TTLL11: variants seen among roughly 807,000 people sequenced by gnomAD.
The protein encoded by TTLL11 is tubulin polyglutamylase TTLL11.
In TTLL11, 42 loss-of-function variants were observed where a neutral mutation model predicts 51.7. The observed-to-expected ratio is 0.81, with a 90% CI of 0.64 to 1.05. TTLL11 has a LOEUF of 1.05. TTLL11 is among the 50% of genes least tolerant of loss of function. TTLL11 has a pLI of 0.00. For missense variants in TTLL11, 799 were observed against 940.4 expected (o/e 0.85, Z 1.97); for synonymous variants, 381 against 383.5 (o/e 0.99, Z 0.08).
At chr9:122,016,642 T>C (rs1330842415) in intron 3 of TTLL11, among the ~76,000 whole-genome samples, 1 of 152,120 alleles carries the variant, frequency 6.6e-6, no homozygotes, top group African/African-American at 2.4e-5. Flanking sequence ...CATTCAGCCT[T>C]GAGGAGCTGA....
At chr9:121,997,043 G>A (rs1235732352) in intron 3 of TTLL11, among the ~76,000 whole-genome samples, 9 of 152,022 alleles carry the variant, frequency 5.9e-5, no homozygotes, top group African/African-American at 2.2e-4. Flanking sequence ...TGGTGCTTCT[G>A]CTCAGAAAAC....
chr9:122,037,805 T>C (rs1321795005), intron 2 of TTLL11, among the ~76,000 whole-genome samples: 1 of 152,210 alleles, frequency 6.6e-6, no homozygotes, highest in Non-Finnish European at 1.5e-5. Context: ...CCGTGTTTCC[T>C]GCCCTGTATC....
intron 6 of TTLL11, among the ~76,000 whole-genome samples, chr9:121,965,501 A>G (rs540712352): frequency 1.3e-5 from 2 of 152,138 alleles, no homozygotes; most frequent in Admixed American, 1.3e-4. Flanking sequence ...CCATGATCCA[A>G]TCCCCTCCCA....
chr9:122,042,198 A>G (rs1418022568), intron 1 of TTLL11, among the ~76,000 whole-genome samples: 1 of 152,200 alleles, frequency 6.6e-6, no homozygotes, highest in East Asian at 1.9e-4. Flanking sequence ...TATTTTTAGT[A>G]GAGGCTGGGT....
intron 6 of TTLL11, among the ~76,000 whole-genome samples, chr9:121,958,853 T>A (rs1246173065): frequency 2.0e-5 from 3 of 152,102 alleles, no homozygotes; most frequent in Non-Finnish European, 4.4e-5. Context: ...GGGGCTGTAA[T>A]GACAATGAGC....
intron 8 of TTLL11, among the ~76,000 whole-genome samples, chr9:121,850,209 T>C (rs183006704): frequency 3.3e-5 from 5 of 152,260 alleles, no homozygotes; most frequent in Admixed American, 3.3e-4. Context: ...CAGAGATAGA[T>C]ATAGATATTC....
intron 8 of TTLL11, among the ~76,000 whole-genome samples, chr9:121,837,312 A>AGTAGTAT (rs11267360): frequency 0.65 from 98,847 of 151,308 alleles, 33,054 homozygotes; most frequent in African/African-American, 0.8. Context: ...TTATGGGTCA[A>AGTAGTAT]GTATTATTTT....
Position 121,853,835 on chromosome 9 carries a change from G to A in TTLL11, c.1840+6502C>T, listed in dbSNP as rs889877506. On this transcript the variant is annotated intron_variant, in intron 8 of 8. Coordinates refer to ENST00000321582, the MANE Select transcript of TTLL11 (RefSeq NM_001139442.2). The surrounding 1 kb of genome is among the most constrained non-coding windows in gnomAD (Gnocchi z 5.6). ...CACGTCCTGACCCTCTCATCTGGCTGTGAGGCAGGCCCTTCTTCCCATCTC... is the reference window on the plus strand; with the variant it reads ...CACGTCCTGACCCTCTCATCTGGCTATGAGGCAGGCCCTTCTTCCCATCTC... Among the ~76,000 whole-genome samples the A allele has an allele frequency of 6.6e-6, 1 of 152,228 alleles. No individual in the cohort carries two copies. Among genetic ancestry groups the A allele is most frequent in the African/African-American group, 2.4e-5 (1 of 41,462 alleles).
intron 1 of TTLL11, among the ~76,000 whole-genome samples, chr9:122,055,207 A>AGATG (rs1216288251): frequency 1.0e-4 from 15 of 147,472 alleles, no homozygotes; most frequent in African/African-American, 3.8e-4. Flanking sequence ...CTAATAGGAT[A>AGATG]GATAGATAGA....
chr9:122,001,240 C>T (rs1300460139), intron 3 of TTLL11, among the ~76,000 whole-genome samples: 3 of 152,184 alleles, frequency 2.0e-5, no homozygotes, highest in African/African-American at 7.2e-5. Flanking sequence ...GGATTACAGG[C>T]GTGCACCAAC....
intron 6 of TTLL11, among the ~76,000 whole-genome samples, chr9:121,921,465 C>T (rs1485789139): frequency 6.6e-6 from 1 of 152,134 alleles, no homozygotes; most frequent in Non-Finnish European, 1.5e-5. Context: ...AAAAACTCGC[C>T]ACAGGATTCC....
At chr9:122,009,662 AGAAT>A (rs1396527838) in intron 3 of TTLL11, among the ~76,000 whole-genome samples, 3 of 151,672 alleles carry the variant, frequency 2.0e-5, no homozygotes, top group Non-Finnish European at 4.4e-5. Flanking sequence ...TGTCCAGAGA[AGAAT>A]GAATGTTGTA....
chr9:121,938,288 C>CAAGAAA (rs1554771747), intron 6 of TTLL11, among the ~76,000 whole-genome samples: 1 of 133,674 alleles, frequency 7.5e-6, no homozygotes, highest in African/African-American at 2.9e-5. Context: ...GACGCTGTCT[C>CAAGAAA]AAAAAGAAAA....
intron 6 of TTLL11, among the ~76,000 whole-genome samples, chr9:121,958,953 T>C (rs4144646): frequency 0.082 from 11,737 of 143,890 alleles, 682 homozygotes; most frequent in African/African-American, 0.17. Context: ...AATCACTCCT[T>C]CTGCCAGGCA....
chr9:121,919,380 C>T (rs1840443636), intron 6 of TTLL11, among the ~76,000 whole-genome samples: 1 of 151,808 alleles, frequency 6.6e-6, no homozygotes, highest in Admixed American at 6.6e-5. Context: ...GATAGGTAGA[C>T]ATAGATAAAA....
chr9:122,040,313 T>C (rs199502796), intron 1 of TTLL11: 5 of 982,968 alleles, frequency 5.1e-6, no homozygotes, highest in Non-Finnish European at 6.0e-6. Flanking sequence ...TTTGGTCTTC[T>C]AAAATCTTGT....
intron 3 of TTLL11, among the ~76,000 whole-genome samples, chr9:122,022,039 G>T (rs7036016): frequency 0.37 from 55,679 of 151,940 alleles, 11,413 homozygotes; most frequent in African/African-American, 0.55. Context: ...TATTCGACAA[G>T]AATGAAAAAA....
rs775319499 is a variant in TTLL11, at chr9:122,092,879, C to T, written c.270G>A (p.Pro90=). 5.7e-6 allele frequency: 9 copies of T among 1,569,786 alleles called. No individual in the cohort carries two copies. The highest frequency in any genetic ancestry group is 2.0e-4 in the Middle Eastern group (1 of 4,922). The change falls in exon 1 of 9, where the codon CCG becomes CCA. Residue 90 remains proline (P), a synonymous_variant. Transcript: ENST00000321582. ...GGCCCTGCACCGGCTTCGGCTTGGA[C>T]GGGGGCAGCGTGGGCGGCGGCCGCT... ...VLQRPPPTLP[P]SKPKPVQGLC...
chr9:122,047,772 G>C (rs1254825236), intron 1 of TTLL11, among the ~76,000 whole-genome samples: 1 of 152,144 alleles, frequency 6.6e-6, no homozygotes, highest in Non-Finnish European at 1.5e-5. Context: ...TGCCTGTGCT[G>C]TTCTTTAGTT....
Sources: gnomAD v4.1 joint callset for allele counts (sites outside exome capture counted in the v4.1 genomes callset) on GRCh38, gnomAD v4.1.1 for gene constraint, Gnocchi (gnomAD v3.1) non-coding constraint, MANE v1.5 for transcripts, NCBI Gene and HGNC (gene_info 2026-07-23, HGNC 2026-07-21) for gene names.